The following EYS variants were observed in gnomAD, a reference collection of about 807,000 sequenced individuals.
EYS encodes protein eyes shut homolog.
EYS carries 250 observed loss-of-function variants against 282.1 expected under a neutral mutation model. That is an observed-to-expected ratio of 0.89 (90% confidence interval 0.80 to 0.98). The LOEUF (loss-of-function observed/expected upper bound fraction) is 0.98, where lower values mean the gene tolerates loss of function less well. Among genes scored for constraint, EYS ranks in the 50% least tolerant of loss-of-function variants. The probability of loss-of-function intolerance (pLI) is 0.00; values close to 1 mark genes in which losing one functional copy is unlikely to be tolerated. For synonymous variants in EYS, 1,355 were observed against 1,282.9 expected (o/e 1.06, Z -1.20); for missense variants, 4,016 against 3,709.0 (o/e 1.08, Z -2.15).
At chr6:65,602,495 G>GA (rs1417852649) in intron 2 of EYS, among the ~76,000 whole-genome samples, 1 of 151,726 alleles carries the variant, frequency 6.6e-6, no homozygotes, top group African/African-American at 2.4e-5. Context: ...TTATGCTATG[G>GA]AAAAATATTT....
At chr6:65,498,743 G>T (rs925646072) in intron 2 of EYS, among the ~76,000 whole-genome samples, 6 of 151,838 alleles carry the variant, frequency 4.0e-5, no homozygotes, top group African/African-American at 1.5e-4. Flanking sequence ...GATTTTATTG[G>T]GAACTAGAGT....
intron 12 of EYS, among the ~76,000 whole-genome samples, chr6:65,148,852 A>G (rs767598182): frequency 2.6e-5 from 4 of 152,108 alleles, no homozygotes; most frequent in Non-Finnish European, 5.9e-5. Context: ...TCAAAGCCAC[A>G]TGGAAGCCAC....
At chr6:64,850,848 G>T (rs138952971) in intron 19 of EYS, among the ~76,000 whole-genome samples, 1 of 151,968 alleles carries the variant, frequency 6.6e-6, no homozygotes, top group South Asian at 2.1e-4. Context: ...AGATAGACAT[G>T]ATTTATTTTG....
intron 26 of EYS, among the ~76,000 whole-genome samples, chr6:64,496,915 G>C (rs749150371): frequency 1.5e-4 from 23 of 151,890 alleles, no homozygotes; most frequent in Non-Finnish European, 3.4e-4. Context: ...GTTGTCTCCT[G>C]TTTGTTGTAT....
intron 12 of EYS, among the ~76,000 whole-genome samples, chr6:65,243,977 A>G (rs770085058): frequency 3.3e-5 from 5 of 152,196 alleles, no homozygotes; most frequent in South Asian, 2.1e-4. Flanking sequence ...TAGTTTTTGA[A>G]CCAATAAAGA....
At chr6:64,661,919 AAG>A (rs1438088427) in intron 22 of EYS, among the ~76,000 whole-genome samples, 1 of 148,084 alleles carries the variant, frequency 6.8e-6, no homozygotes, top group Non-Finnish European at 1.5e-5. Context: ...TGCTGCTATA[AAG>A]ACACATGCAC....
At chr6:64,931,255 G>A (rs1321864835) in intron 15 of EYS, among the ~76,000 whole-genome samples, 1 of 151,926 alleles carries the variant, frequency 6.6e-6, no homozygotes, top group East Asian at 1.9e-4. Flanking sequence ...ATTAAAATAT[G>A]CAATTTTAAG....
At chr6:65,355,417 G>T (rs564960025) in intron 8 of EYS, among the ~76,000 whole-genome samples, 36 of 151,872 alleles carry the variant, frequency 2.4e-4, no homozygotes, top group Non-Finnish European at 4.7e-4. Flanking sequence ...CCTAGGAAGA[G>T]AACTCATGAC....
chr6:64,186,028 C>T (rs1486652843), intron 31 of EYS, among the ~76,000 whole-genome samples: 1 of 152,104 alleles, frequency 6.6e-6, no homozygotes, highest in East Asian at 1.9e-4. Context: ...TACTCACATA[C>T]TTCTCAGGCC....
intron 12 of EYS, among the ~76,000 whole-genome samples, chr6:65,202,685 GA>G (rs1765931924): frequency 6.6e-6 from 1 of 152,180 alleles, no homozygotes; most frequent in Non-Finnish European, 1.5e-5. Flanking sequence ...CTTATTGCCT[GA>G]CAGCTGTGGT....
intron 12 of EYS, among the ~76,000 whole-genome samples, chr6:65,165,586 C>G (rs1313003522): frequency 2.0e-5 from 3 of 150,834 alleles, no homozygotes; most frequent in Admixed American, 6.6e-5. Context: ...TCTCTTTTTA[C>G]CCTTTGGCTT....
intron 31 of EYS, among the ~76,000 whole-genome samples, chr6:64,196,047 G>GA (rs542395022): frequency 0.031 from 4,755 of 152,000 alleles, 95 homozygotes; most frequent in Non-Finnish European, 0.047. Context: ...AAATTTACAA[G>GA]AAAAAAACAA....
intron 31 of EYS, among the ~76,000 whole-genome samples, chr6:64,164,164 T>C (rs934589972): frequency 6.6e-6 from 1 of 152,094 alleles, no homozygotes; most frequent in African/African-American, 2.4e-5. Context: ...GCCTGGAAAA[T>C]AACCACTGTT....
intron 26 of EYS, among the ~76,000 whole-genome samples, chr6:64,522,334 T>C (rs1257436701): frequency 6.6e-6 from 1 of 151,708 alleles, no homozygotes; most frequent in Non-Finnish European, 1.5e-5. Context: ...GAATTATGAA[T>C]TGAATAAGCC....
At chr6:64,158,113 AC>A (rs1476675781) in intron 31 of EYS, among the ~76,000 whole-genome samples, 1 of 152,190 alleles carries the variant, frequency 6.6e-6, no homozygotes, top group Non-Finnish European at 1.5e-5. Context: ...TGGATGTGAG[AC>A]CTGAAATCAA....
At chr6:65,014,741 A>T (rs986956015) in intron 13 of EYS, among the ~76,000 whole-genome samples, 6 of 152,216 alleles carry the variant, frequency 3.9e-5, no homozygotes, top group African/African-American at 1.4e-4. Flanking sequence ...AGCATGGTAG[A>T]AAAAATGATG....
At chr6:65,557,993 G>A (rs1354253782) in intron 2 of EYS, among the ~76,000 whole-genome samples, 1 of 152,096 alleles carries the variant, frequency 6.6e-6, no homozygotes, top group East Asian at 1.9e-4. Flanking sequence ...GTGGCCATGG[G>A]AGGACCTGGA....
At chr6:64,894,666 C>A (rs926096212) in intron 18 of EYS, among the ~76,000 whole-genome samples, 3 of 152,040 alleles carry the variant, frequency 2.0e-5, no homozygotes, top group Admixed American at 1.3e-4. Context: ...TTTTGTGTAT[C>A]TTTTTGAAGA....
chr6:64,490,286 C>T (rs2150505392), intron 26 of EYS, among the ~76,000 whole-genome samples: 1 of 150,856 alleles, frequency 6.6e-6, no homozygotes, highest in East Asian at 1.9e-4. Context: ...TACCATATAC[C>T]AAGCACAATA....
Sources: allele counts gnomAD v4.1 joint callset (sites outside exome capture counted in the v4.1 genomes callset), GRCh38; gene constraint gnomAD v4.1.1; transcripts MANE v1.5; gene names NCBI Gene and HGNC (gene_info 2026-07-23, HGNC 2026-07-21).